The following AFMID variants were observed in gnomAD, a reference collection of about 807,000 sequenced individuals.
AFMID encodes kynurenine formamidase.
In AFMID, 39 loss-of-function variants were observed where a neutral mutation model predicts 47.5. That is an observed-to-expected ratio of 0.82 (90% CI 0.64 to 1.07). The LOEUF (loss-of-function observed/expected upper bound fraction) is 1.07, where lower values mean the gene tolerates loss of function less well. Among genes scored for constraint, AFMID ranks in the 50% least tolerant of loss-of-function variants. The pLI, the probability that AFMID is intolerant of heterozygous loss-of-function variation, is 0.00. For missense variants in AFMID, 375 were observed against 387.5 expected (o/e 0.97, Z 0.27); for synonymous variants, 130 against 153.2 (o/e 0.85, Z 1.12).
chr17:78,191,027 G>T lies in AFMID; in HGVS notation c.121G>T (p.Ala41Ser). Residue 41 changes from alanine to serine, a missense_variant, in exon 2 of 11, where the codon GCC becomes TCC. Coordinates refer to ENST00000409257, the MANE Select transcript of AFMID (RefSeq NM_001010982.5). ...GGTTGTCCGACTGGGAGCAGAGGAAGCCTTGAGGACCTACTCACAGATAGG... is the reference window on the plus strand; with the variant it reads ...GGTTGTCCGACTGGGAGCAGAGGAATCCTTGAGGACCTACTCACAGATAGG... Reference protein sequence around the residue: ...RWVVRLGAEEALRTYSQIGIE... With the variant: ...RWVVRLGAEESLRTYSQIGIE... The T allele has an allele frequency of 1.2e-6, 2 of 1,613,992 alleles. No individual in the cohort carries two copies. The highest frequency in any genetic ancestry group is 1.3e-5 in the African/African-American group (1 of 74,990).
chr17:78,206,249 G>T (rs2076377430), intron 10 of AFMID, among the ~76,000 whole-genome samples, 199 bp downstream of exon 10: 1 of 147,638 alleles, frequency 6.8e-6, no homozygotes, highest in Admixed American at 6.9e-5. Flanking sequence ...TGAGGCATGA[G>T]AATTGCTTTA....
At position 78,205,661 on chromosome 17, in the gene AFMID, C is replaced by A; in HGVS notation, c.703C>A (p.Pro235Thr). 6.2e-7 allele frequency: 1 copy of A among 1,613,736 alleles called. No homozygotes were observed. The highest frequency in any genetic ancestry group is 8.5e-7 in the Non-Finnish European group (1 of 1,179,974). Residue 235 changes from proline (P) to threonine (T), a missense_variant, in exon 9 of 11, where the codon CCC becomes ACC. Transcript: ENST00000409257. Reference sequence around the variant, plus strand: ...GGTGGCCCAGGCACAGCCGGTGGACCCCACCTGCCGTGTGCTGGTGGTCGT... The same window carrying A: ...GGTGGCCCAGGCACAGCCGGTGGACACCACCTGCCGTGTGCTGGTGGTCGT... ...LKVAQAQPVDPTCRVLVVVGQ... is the reference protein window; with the variant it reads ...LKVAQAQPVDTTCRVLVVVGQ...
intron 2 of AFMID, among the ~76,000 whole-genome samples, chr17:78,202,275 A>AT (rs1491482555): frequency 7.7e-4 from 116 of 150,496 alleles, no homozygotes; most frequent in East Asian, 2.2e-3. Context: ...ATATATATAT[A>AT]AAAATTAGCT....
chr17:78,193,595 C>T (rs928949146), intron 2 of AFMID, among the ~76,000 whole-genome samples: 2 of 150,776 alleles, frequency 1.3e-5, no homozygotes, highest in African/African-American at 4.9e-5. Flanking sequence ...GCCTGTAATC[C>T]CAGTACTGTG....
chr17:78,203,063 T>C (rs1413853986), intron 4 of AFMID: 17 of 299,718 alleles, frequency 5.7e-5, no homozygotes, highest in East Asian at 1.4e-4. Flanking sequence ...CTCTTTTTTT[T>C]TTTTTTTTTT....
At chr17:78,193,472 G>A (rs893189510) in intron 2 of AFMID, among the ~76,000 whole-genome samples, 24 of 147,764 alleles carry the variant, frequency 1.6e-4, no homozygotes, top group African/African-American at 5.9e-4. Flanking sequence ...GAGAAAGAAT[G>A]TCAGATGTAA....
chr17:78,195,234 G>A (rs1371990979), intron 2 of AFMID, among the ~76,000 whole-genome samples: 1 of 150,654 alleles, frequency 6.6e-6, no homozygotes, highest in Middle Eastern at 3.2e-3. Flanking sequence ...TCACTCTGTT[G>A]CCCAGGCTGG....
At chr17:78,197,501 C>T in intron 2 of AFMID, 1 of 329,114 alleles carries the variant, frequency 3.0e-6, no homozygotes, top group East Asian at 6.0e-5. Flanking sequence ...CCTGCTGGCA[C>T]CTTGATCTTG....
intron 1 of AFMID, among the ~76,000 whole-genome samples, chr17:78,190,380 G>A (rs896467083): frequency 2.0e-5 from 3 of 152,006 alleles, no homozygotes; most frequent in African/African-American, 4.8e-5. Context: ...CACCCTCTCA[G>A]CGCAGATCAG....
At chr17:78,205,240 G>A in intron 7 of AFMID, 50 bp downstream of exon 7, 1 of 1,553,330 alleles carries the variant, frequency 6.4e-7, no homozygotes, top group Non-Finnish European at 8.8e-7. Context: ...CTCCCCATGA[G>A]CCTTGGGGTT....
At chr17:78,187,520 C>T (rs1288360461) in intron 1 of AFMID, 87 bp downstream of exon 1, 2 of 1,493,630 alleles carry the variant, frequency 1.3e-6, no homozygotes, top group African/African-American at 1.4e-5. Flanking sequence ...AGCTTAGAAG[C>T]CGTCTAGAGC....
intron 1 of AFMID, chr17:78,190,658 C>T: frequency 3.7e-6 from 1 of 267,284 alleles, no homozygotes; most frequent in South Asian, 6.1e-5. Context: ...TCCCAAAGTG[C>T]TAGGATTACA....
chr17:78,205,312 C>A, intron 7 of AFMID, 122 bp downstream of exon 7: 1 of 1,423,378 alleles, frequency 7.0e-7, no homozygotes, highest in Non-Finnish European at 9.8e-7. Context: ...TTCGAGCCCT[C>A]TGAGCAAGGC....
intron 4 of AFMID, chr17:78,203,055 CTTTTTTTTT>C (rs56016227): frequency 1.7e-4 from 19 of 111,128 alleles, no homozygotes; most frequent in African/African-American, 3.9e-4. Context: ...CTTCCTCTCT[CTTTTTTTTT>C]TTTTTTTTTT....
intron 2 of AFMID, among the ~76,000 whole-genome samples, chr17:78,200,036 C>T (rs993319167): frequency 6.6e-6 from 1 of 151,498 alleles, no homozygotes; most frequent in Non-Finnish European, 1.5e-5. Flanking sequence ...AGGTGACCCC[C>T]ACAACGACAT....
chr17:78,202,658 C>T (rs2076276317), intron 3 of AFMID, 45 bp from the exon 4 acceptor site: 18 of 1,576,240 alleles, frequency 1.1e-5, no homozygotes, highest in Non-Finnish European at 1.5e-5. Context: ...TGGCAGAGCT[C>T]AGCAGGGCGG....
intron 2 of AFMID, among the ~76,000 whole-genome samples, chr17:78,191,670 C>CAAAA (rs113967464): frequency 7.8e-6 from 1 of 128,856 alleles, no homozygotes. Context: ...GACCCTGTCT[C>CAAAA]AAAAAAAAAA....
At position 78,202,253 on chromosome 17, in the gene AFMID, T is replaced by TAA. The variant is rs1357739220; in HGVS notation, c.155-241_155-240dup. 5.9e-4 allele frequency among the ~76,000 whole-genome samples: 87 copies of TAA among 147,980 alleles called. 1 individual carries two copies. Among genetic ancestry groups the TAA allele is most frequent in the Admixed American group, 2.0e-3 (29 of 14,836 alleles). ...GCCTGGCCAACAACCCTGTCTCTACTAAAAAATATATATATATATATAAAA... is the reference window on the plus strand; with the variant it reads ...GCCTGGCCAACAACCCTGTCTCTACTAAAAAAAATATATATATATATATAAAA... On this transcript the variant is annotated intron_variant, in intron 2 of 10. Transcript: ENST00000409257.
chr17:78,191,289 G>A lies in AFMID; in HGVS notation c.154+229G>A, dbSNP rs557621424. ...TCCGGGGGAGGTCCACGGCTCAGTC[G>A]ACCATGCCTGGCCTTTCTTGCTCAG... On this transcript the variant is annotated intron_variant, in intron 2 of 10. Coordinates refer to ENST00000409257, the MANE Select transcript of AFMID (RefSeq NM_001010982.5). Among the ~76,000 whole-genome samples, 16 of 152,276 alleles carry A rather than the reference G, an allele frequency of 1.1e-4. No individual in the cohort carries two copies. The South Asian group carries it at 2.9e-3, about 28-fold the overall frequency.
Sources: allele counts gnomAD v4.1 joint callset (sites outside exome capture counted in the v4.1 genomes callset), GRCh38; gene constraint gnomAD v4.1.1; transcripts MANE v1.5; gene names NCBI Gene and HGNC (gene_info 2026-07-23, HGNC 2026-07-21).